SHANK2: variants seen among roughly 807,000 people sequenced by gnomAD.
The protein encoded by SHANK2 is SH3 and multiple ankyrin repeat domains protein 2.
SHANK2 carries 43 observed loss-of-function variants against 133.7 expected under a neutral mutation model. That is an observed-to-expected ratio of 0.32 (90% CI 0.25 to 0.41). The LOEUF (loss-of-function observed/expected upper bound fraction) is 0.41, where lower values mean the gene tolerates loss of function less well. Among genes scored for constraint, SHANK2 ranks in the 10% least tolerant of loss-of-function variants. SHANK2 has a pLI of 1.00. For missense variants in SHANK2, 1,994 were observed against 2,235.8 expected (o/e 0.89, Z 2.18); for synonymous variants, 1,017 against 952.8 (o/e 1.07, Z -1.24).
Position 70,854,529 on chromosome 11 carries a change from A to G in SHANK2, c.1175-33847T>C, listed in dbSNP as rs113713645. On this transcript the variant is annotated intron_variant, in intron 11 of 25. Transcript: ENST00000601538. ...GCTTGAAATCCAACTGAGCGCATGC[A>G]TGGCTGGATTGAGGGAGAGGGACCA... Among the ~76,000 whole-genome samples the G allele has an allele frequency of 2.6e-3, 400 of 152,334 alleles. 1 individual carries two copies. The highest frequency in any genetic ancestry group is 9.1e-3 in the African/African-American group (379 of 41,560).
chr11:70,528,875 C>T (rs1288726375), intron 17 of SHANK2, among the ~76,000 whole-genome samples: 1 of 152,096 alleles, frequency 6.6e-6, no homozygotes, highest in African/African-American at 2.4e-5. Context: ...CCAGGGTCCC[C>T]ACACCCGCCT....
intron 11 of SHANK2, among the ~76,000 whole-genome samples, chr11:70,845,025 C>A (rs1228618601): frequency 6.6e-6 from 1 of 151,466 alleles, no homozygotes; most frequent in African/African-American, 2.4e-5. Context: ...ATGCTGAAAC[C>A]CCGTCTCTAC....
chr11:70,667,714 T>G (rs1944705316), intron 15 of SHANK2: 1 of 152,298 alleles, frequency 6.6e-6, no homozygotes, highest in Non-Finnish European at 1.5e-5. Context: ...GATGTCCATT[T>G]GGAGGCACAG....
At chr11:70,800,956 G>A (rs1225229197) in intron 13 of SHANK2, among the ~76,000 whole-genome samples, 1 of 152,190 alleles carries the variant, frequency 6.6e-6, no homozygotes, top group African/African-American at 2.4e-5. Context: ...GTAGAGATTG[G>A]TATCATCTTC....
At chr11:70,659,698 T>C (rs955025238) in intron 17 of SHANK2, 130 bp downstream of exon 17, 2 of 1,141,206 alleles carry the variant, frequency 1.8e-6, no homozygotes, top group Admixed American at 2.0e-5. Flanking sequence ...AACTGACCAA[T>C]GAAAGTTCAT....
chr11:71,217,082 A>G (rs1033918695), intron 2 of SHANK2, among the ~76,000 whole-genome samples: 5 of 152,132 alleles, frequency 3.3e-5, no homozygotes, highest in African/African-American at 1.2e-4. Context: ...TCTAAGTCCC[A>G]GCTACTTGGG....
intron 2 of SHANK2, among the ~76,000 whole-genome samples, chr11:71,147,912 C>G (rs1952687678): frequency 6.6e-6 from 1 of 152,204 alleles, no homozygotes; most frequent in African/African-American, 2.4e-5. Context: ...TCTCCCAGAC[C>G]AGGACTGGAG....
chr11:71,224,808 T>A lies in SHANK2; in HGVS notation c.-112-12A>T, dbSNP rs1313338273. 6.6e-6 allele frequency: 1 copy of A among 152,176 alleles called. No individual in the cohort carries two copies. The highest frequency in any genetic ancestry group is 1.5e-5 in the Non-Finnish European group (1 of 68,050). The allele number at this position is 152,176 out of a possible 1,614,324, so 9.4% of individuals were successfully genotyped here. On this transcript the variant is annotated splice_polypyrimidine_tract_variant and intron_variant, in intron 1 of 25. Transcript: ENST00000601538. ...AGAGATTTCCAGACCTGTGGAGAGA[T>A]AATGAGACCGGGGCATGGTCAGACA...
At chr11:70,715,654 G>A (rs1945898205) in intron 14 of SHANK2, among the ~76,000 whole-genome samples, 1 of 152,160 alleles carries the variant, frequency 6.6e-6, no homozygotes, top group African/African-American at 2.4e-5. Flanking sequence ...CCAATACATC[G>A]AGCCAAACTC....
At chr11:71,069,370 C>A (rs1214403498) in intron 9 of SHANK2, among the ~76,000 whole-genome samples, 13 of 152,072 alleles carry the variant, frequency 8.5e-5, no homozygotes, top group African/African-American at 2.9e-4. Context: ...ACCATCACTG[C>A]CTTCATCATC....
intron 2 of SHANK2, among the ~76,000 whole-genome samples, chr11:71,154,503 TCTC>T (rs1590967007): frequency 6.6e-6 from 1 of 152,160 alleles, no homozygotes; most frequent in African/African-American, 2.4e-5. Flanking sequence ...AACCCACTGT[TCTC>T]CTCCCTGCAC....
At chr11:70,894,149 G>A (rs1469623523) in intron 11 of SHANK2, among the ~76,000 whole-genome samples, 3 of 152,120 alleles carry the variant, frequency 2.0e-5, no homozygotes, top group Admixed American at 6.5e-5. Flanking sequence ...AAATCAACTC[G>A]GTGCTTCAAC....
intron 14 of SHANK2, among the ~76,000 whole-genome samples, chr11:70,792,291 T>A (rs868992178): frequency 1.1e-5 from 1 of 88,372 alleles, no homozygotes; most frequent in Non-Finnish European, 2.4e-5. Flanking sequence ...AGCCAAGCAA[T>A]CAATCAACCA....
intron 9 of SHANK2, among the ~76,000 whole-genome samples, chr11:71,062,502 T>C (rs949627767): frequency 2.3e-4 from 35 of 151,704 alleles, no homozygotes; most frequent in African/African-American, 7.7e-4. Flanking sequence ...CCCCTGGGGG[T>C]CTTGCTCACC....
chr11:71,071,440 T>G (rs1186539551), intron 9 of SHANK2, among the ~76,000 whole-genome samples: 1 of 152,182 alleles, frequency 6.6e-6, no homozygotes, highest in Non-Finnish European at 1.5e-5. Flanking sequence ...ATGCCTCTGA[T>G]GATATCCACA....
chr11:70,849,569 G>A (rs1296980550), intron 11 of SHANK2, among the ~76,000 whole-genome samples: 2 of 152,128 alleles, frequency 1.3e-5, no homozygotes, highest in African/African-American at 4.8e-5. Context: ...CCTACCCTTT[G>A]TCAAATGAAA....
intron 10 of SHANK2, chr11:70,949,987 G>T (rs1950809232): frequency 2.2e-6 from 1 of 450,644 alleles, no homozygotes; most frequent in Middle Eastern, 3.3e-4. Context: ...GGTGCCTGGG[G>T]AGGGCTGCTC....
At chr11:70,662,843 G>C (rs1944595440) in intron 15 of SHANK2, among the ~76,000 whole-genome samples, 1 of 152,180 alleles carries the variant, frequency 6.6e-6, no homozygotes, top group Non-Finnish European at 1.5e-5. Context: ...TGAGCCTCCA[G>C]GCTGCGGCTG....
intron 10 of SHANK2, among the ~76,000 whole-genome samples, chr11:70,940,393 C>T (rs1381590710): frequency 6.6e-6 from 1 of 151,752 alleles, no homozygotes; most frequent in Non-Finnish European, 1.5e-5. Flanking sequence ...ATTACAGGCA[C>T]ATGCCACCAC....
Sources: allele counts gnomAD v4.1 joint callset (sites outside exome capture counted in the v4.1 genomes callset), GRCh38; gene constraint gnomAD v4.1.1; transcripts MANE v1.5; gene names NCBI Gene and HGNC (gene_info 2026-07-23, HGNC 2026-07-21).